ANK3: variants seen among roughly 807,000 people sequenced by gnomAD.
The protein encoded by ANK3 is ankyrin-3.
A neutral mutation model predicts 370.9 loss-of-function variants in ANK3; 57 were observed. That is an observed-to-expected ratio of 0.15 (90% CI 0.12 to 0.19). ANK3 has a LOEUF of 0.19. Among genes scored for constraint, ANK3 ranks in the 10% least tolerant of loss-of-function variants. The pLI, the probability that ANK3 is intolerant of heterozygous loss-of-function variation, is 1.00. For synonymous variants in ANK3, 1,929 were observed against 1,946.3 expected, an observed-to-expected ratio of 0.99 and a Z score of 0.23; for missense variants, 4,439 against 5,302.1, an observed-to-expected ratio of 0.84 and a Z score of 5.06.
intron 14 of ANK3, 140 bp from the exon 15 acceptor site, chr10:60,196,765 T>C: frequency 1.6e-6 from 1 of 608,188 alleles, no homozygotes; most frequent in Non-Finnish European, 2.9e-6. Context: ...ATTATTCTAT[T>C]GATGATGAGC....
At chr10:60,293,113 T>G (rs374390729) in intron 1 of ANK3, among the ~76,000 whole-genome samples, 2 of 152,232 alleles carry the variant, frequency 1.3e-5, no homozygotes, top group Non-Finnish European at 2.9e-5. Flanking sequence ...CGTTAAGAAA[T>G]TCTCTTTTGC....
intron 23 of ANK3, among the ~76,000 whole-genome samples, chr10:60,164,996 G>C (rs979412939): frequency 6.6e-6 from 1 of 152,140 alleles, no homozygotes; most frequent in Non-Finnish European, 1.5e-5. Context: ...GTTAAGTAAC[G>C]AGGTCAATTA....
chr10:60,487,081 A>G (rs2075368460), intron 2 of ANK3, among the ~76,000 whole-genome samples: 1 of 152,226 alleles, frequency 6.6e-6, no homozygotes, highest in South Asian at 2.1e-4. Flanking sequence ...GAGCAATTAA[A>G]GGAAAAAAGA....
intron 11 of ANK3, 80 bp from the exon 12 acceptor site, chr10:60,203,180 C>T (rs2096711727): frequency 4.7e-6 from 4 of 859,494 alleles, no homozygotes; most frequent in Non-Finnish European, 5.8e-6. Flanking sequence ...GCCTGTCATC[C>T]ATCCACCCAT....
chr10:60,539,070 T>C (rs1368940158), intron 2 of ANK3, among the ~76,000 whole-genome samples: 1 of 151,882 alleles, frequency 6.6e-6, no homozygotes, highest in East Asian at 1.9e-4. Context: ...GCACAGCATT[T>C]GTTCTCTGAT....
At chr10:60,628,212 A>C (rs1018164124) in intron 1 of ANK3, among the ~76,000 whole-genome samples, 1 of 152,166 alleles carries the variant, frequency 6.6e-6, no homozygotes, top group African/African-American at 2.4e-5. Flanking sequence ...GGACTATGTC[A>C]GATGCCATTT....
chr10:60,170,071 G>A (rs1591190893), intron 21 of ANK3, among the ~76,000 whole-genome samples: 2 of 144,866 alleles, frequency 1.4e-5, no homozygotes, highest in African/African-American at 2.8e-5. Context: ...ATATCTGTGT[G>A]CTAGAGGTGT....
chr10:60,574,993 A>C (rs1258387118), intron 2 of ANK3, among the ~76,000 whole-genome samples: 1 of 152,208 alleles, frequency 6.6e-6, no homozygotes, highest in Non-Finnish European at 1.5e-5. Flanking sequence ...AGGGGGTATA[A>C]AAATTGAGAT....
At chr10:60,227,180 CTTT>C (rs922074699) in intron 8 of ANK3, among the ~76,000 whole-genome samples, 1 of 151,430 alleles carries the variant, frequency 6.6e-6, no homozygotes, top group Admixed American at 6.6e-5. Context: ...ATATAAATAC[CTTT>C]TTTACTAGAT....
At position 60,602,834 on chromosome 10, in the gene ANK3, T is replaced by G. The variant is rs149264549; in HGVS notation, c.96+12352A>C. ...ACCTGGTGTTAGACCCTCTCCTAGA[T>G]CTCATTACCTAATGCAACACTAATA... On this transcript the variant is annotated intron_variant, in intron 2 of 43. Coordinates refer to the ANK3 transcript ENST00000373827. Among the ~76,000 whole-genome samples, 1,436 of 152,296 alleles carry G rather than the reference T, an allele frequency of 9.4e-3. 10 individuals are homozygous for G. Among genetic ancestry groups the G allele is most frequent in the Non-Finnish European group, 0.016 (1,085 of 68,014 alleles).
At chr10:60,650,888 A>T (rs1212153317) in intron 1 of ANK3, among the ~76,000 whole-genome samples, 4 of 152,076 alleles carry the variant, frequency 2.6e-5, no homozygotes, top group African/African-American at 9.7e-5. Flanking sequence ...GTTCTAGACC[A>T]TCCTAGGCAA....
Position 60,084,629 on chromosome 10 carries a change from C to T in ANK3, c.4047G>A (p.Glu1349=), listed in dbSNP as rs1349201090. 1 of 1,613,870 alleles carries T rather than the reference C, an allele frequency of 6.2e-7. No homozygotes were observed. The stretch of plus-strand genomic sequence containing the variant: ...CAATATCTTTGCTTCTTGCGACTTC[C>T]TCAAAATTCTCTTGTTGCTCTAAAG... The part of the protein sequence containing the change: ...DKTLEQQENF[E]EVARSKDIEV... Residue 1349 remains glutamate (E), a synonymous_variant, in exon 32 of 44, where the codon GAG becomes GAA. Transcript: ENST00000280772.
Position 60,389,284 on chromosome 10 carries a change from A to G in ANK3, c.114+141T>C, listed in dbSNP as rs376999307. 66 of 763,698 alleles carry G rather than the reference A, an allele frequency of 8.6e-5. No individual in the cohort carries two copies. The East Asian group carries it at 9.3e-4, about 11-fold the overall frequency. 47.3% of individuals were successfully genotyped at this position (763,698 alleles called of 1,614,324 possible). On this transcript the variant is annotated intron_variant, in intron 1 of 43. Coordinates refer to ENST00000280772, the MANE Select transcript of ANK3 (RefSeq NM_020987.5). ...ATGGCCATGTTCTGCCATAGGGTTT[A>G]TCATCTGTTCCCAATTTACACACCC...
At chr10:60,540,386 G>T (rs1407113969) in intron 2 of ANK3, among the ~76,000 whole-genome samples, 3 of 151,894 alleles carry the variant, frequency 2.0e-5, no homozygotes, top group Non-Finnish European at 2.9e-5. Context: ...TGTGTTTTAA[G>T]CTCATGGGAT....
chr10:60,490,661 C>T (rs1223270849), intron 2 of ANK3, among the ~76,000 whole-genome samples: 1 of 152,192 alleles, frequency 6.6e-6, no homozygotes, highest in African/African-American at 2.4e-5. Context: ...TCTTATTCAT[C>T]AATACTTTTC....
intron 2 of ANK3, among the ~76,000 whole-genome samples, chr10:60,599,804 A>G (rs111744873): frequency 5.4e-4 from 82 of 152,298 alleles, no homozygotes; most frequent in African/African-American, 1.8e-3. Flanking sequence ...GATTTCATAT[A>G]AAATTCAACT....
chr10:60,125,337 G>C (rs750626507), intron 25 of ANK3, among the ~76,000 whole-genome samples: 3 of 152,160 alleles, frequency 2.0e-5, no homozygotes, highest in African/African-American at 7.2e-5. Flanking sequence ...GAAGCTGAGC[G>C]TGTCAACACC....
chr10:60,656,317 T>C (rs1414660919), intron 1 of ANK3, among the ~76,000 whole-genome samples: 2 of 152,134 alleles, frequency 1.3e-5, no homozygotes, highest in African/African-American at 4.8e-5. Context: ...TATTCCAGTA[T>C]TTTCCTTCTA....
intron 2 of ANK3, among the ~76,000 whole-genome samples, chr10:60,589,169 G>T (rs1287779612): frequency 1.3e-5 from 2 of 152,146 alleles, no homozygotes; most frequent in Admixed American, 6.5e-5. Flanking sequence ...CTTATGGATT[G>T]TCAATGATTC....
Sources: gnomAD v4.1 joint callset for allele counts (sites outside exome capture counted in the v4.1 genomes callset) on GRCh38, gnomAD v4.1.1 for gene constraint, MANE v1.5 for transcripts, NCBI Gene and HGNC (gene_info 2026-07-23, HGNC 2026-07-21) for gene names.